Variants in PLXDC2 observed in about 807,000 individuals in gnomAD.
PLXDC2 encodes plexin domain-containing protein 2.
PLXDC2 carries 40 observed loss-of-function variants against 68.9 expected under a neutral mutation model. The ratio of observed to expected loss-of-function variants is 0.58; its 90% CI spans 0.45 to 0.76. The LOEUF is 0.76. Ranked by LOEUF, PLXDC2 falls within the 30% of genes least tolerant of loss-of-function variation. The pLI is 0.00. For missense variants in PLXDC2, 644 were observed against 661.9 expected (o/e 0.97, Z 0.30); for synonymous variants, 243 against 234.2 (o/e 1.04, Z -0.34).
At chr10:19,966,092 TA>T (rs1448953865) in intron 1 of PLXDC2, among the ~76,000 whole-genome samples, 4 of 151,344 alleles carry the variant, frequency 2.6e-5, no homozygotes, top group Middle Eastern at 3.2e-3. Context: ...CTGCAGGTAC[TA>T]AAAAACACAC....
At chr10:19,913,386 C>A (rs774117720) in intron 1 of PLXDC2, among the ~76,000 whole-genome samples, 1 of 152,104 alleles carries the variant, frequency 6.6e-6, no homozygotes, top group Non-Finnish European at 1.5e-5. Context: ...TCCTGTACAG[C>A]CTGTGGAACC....
intron 1 of PLXDC2, among the ~76,000 whole-genome samples, chr10:19,891,066 G>A (rs1837951050): frequency 6.6e-6 from 1 of 152,042 alleles, no homozygotes; most frequent in Admixed American, 6.5e-5. Context: ...TTCTTCCTAT[G>A]CAATGGCAAG....
intron 2 of PLXDC2, among the ~76,000 whole-genome samples, chr10:20,002,305 G>A (rs1406120471): frequency 5.3e-5 from 8 of 150,242 alleles, no homozygotes; most frequent in African/African-American, 2.0e-4. Flanking sequence ...TGTCACACAG[G>A]CTGGAGTGCA....
chr10:19,955,288 C>T (rs895976853), intron 1 of PLXDC2, among the ~76,000 whole-genome samples: 1 of 151,720 alleles, frequency 6.6e-6, no homozygotes, highest in East Asian at 1.9e-4. Context: ...CCTGCATAGC[C>T]TCCCAAACTG....
chr10:19,886,154 G>T lies in PLXDC2; in HGVS notation c.112+68963G>T, dbSNP rs569353051. On this transcript the variant is annotated intron_variant, in intron 1 of 13. Coordinates refer to ENST00000377252, the MANE Select transcript of PLXDC2 (RefSeq NM_032812.9). ...TTTCACTCATGATTTGGCTCTCTGT[G>T]TGTCTGTTATTGGTGTATAGGAATG... Among the ~76,000 whole-genome samples the T allele has an allele frequency of 4.5e-3, 691 of 152,138 alleles. 2 individuals are homozygous for T. Among genetic ancestry groups the T allele is most frequent in the African/African-American group, 0.015 (619 of 41,518 alleles).
At chr10:20,091,003 T>C (rs1335546324) in intron 4 of PLXDC2, among the ~76,000 whole-genome samples, 1 of 152,234 alleles carries the variant, frequency 6.6e-6, no homozygotes, top group Non-Finnish European at 1.5e-5. Context: ...ATCATTTTGC[T>C]ATCTATGTTG....
At chr10:20,183,462 A>G (rs187440814) in intron 9 of PLXDC2, among the ~76,000 whole-genome samples, 72 of 152,088 alleles carry the variant, frequency 4.7e-4, no homozygotes, top group African/African-American at 1.6e-3. Flanking sequence ...TGTGAGAAAC[A>G]ACAATATTTG....
intron 1 of PLXDC2, among the ~76,000 whole-genome samples, chr10:19,997,689 G>C (rs1230799164): frequency 6.6e-6 from 1 of 152,058 alleles, no homozygotes; most frequent in African/African-American, 2.4e-5. Context: ...TATTATATTA[G>C]AGTATGTGAT....
At chr10:20,222,021 A>T (rs1203481432) in intron 12 of PLXDC2, among the ~76,000 whole-genome samples, 1 of 152,190 alleles carries the variant, frequency 6.6e-6, no homozygotes, top group Non-Finnish European at 1.5e-5. Context: ...TACAGTAATA[A>T]AGCAGATTGA....
chr10:20,212,026 A>T (rs16920096), intron 10 of PLXDC2, among the ~76,000 whole-genome samples: 1 of 151,678 alleles, frequency 6.6e-6, no homozygotes, highest in African/African-American at 2.4e-5. Flanking sequence ...CATTCTATGA[A>T]GAACAGTGCC....
At chr10:20,078,481 A>G (rs926082465) in intron 4 of PLXDC2, among the ~76,000 whole-genome samples, 5 of 152,230 alleles carry the variant, frequency 3.3e-5, no homozygotes, top group Non-Finnish European at 7.3e-5. Context: ...GTCATGGAAC[A>G]TTAGGTATGT....
chr10:19,859,945 T>A (rs1837288357), intron 1 of PLXDC2, among the ~76,000 whole-genome samples: 1 of 152,170 alleles, frequency 6.6e-6, no homozygotes, highest in South Asian at 2.1e-4. Context: ...TTGTGCAGGC[T>A]GCTCAAACTC....
rs370115313 is a variant in PLXDC2 at position 20,186,387 on chromosome 10, A to G, written c.1061+8978A>G. Among the ~76,000 whole-genome samples the G allele has an allele frequency of 3.3e-5, 5 of 151,860 alleles. No individual in the cohort carries two copies. The East Asian group carries it at 9.7e-4, about 29-fold the overall frequency. ...CTAGCGTAGGTCTGAACTACATGAG[A>G]TTCTTTCTCTAGAGTGTATTCTTTT... On this transcript the variant is annotated intron_variant, in intron 9 of 13. Transcript: ENST00000377252.
intron 9 of PLXDC2, among the ~76,000 whole-genome samples, chr10:20,210,840 C>T (rs989936341): frequency 2.0e-5 from 3 of 152,134 alleles, no homozygotes; most frequent in African/African-American, 7.2e-5. Flanking sequence ...TAATACACAA[C>T]AAGTACTGCT....
chr10:20,162,909 C>CAAAAAAAAAAAAAAAAAA (rs71390763), intron 6 of PLXDC2, among the ~76,000 whole-genome samples: 3 of 98,058 alleles, frequency 3.1e-5, no homozygotes, highest in African/African-American at 4.1e-5. Context: ...ACTAAAAATA[C>CAAAAAAAAAAAAAAAAAA]AAAAAAAAAA....
intron 4 of PLXDC2, among the ~76,000 whole-genome samples, chr10:20,136,800 A>G (rs1284254161): frequency 3.3e-5 from 5 of 152,244 alleles, no homozygotes; most frequent in Non-Finnish European, 7.3e-5. Flanking sequence ...CCAAAATATT[A>G]ACTAAAAGAT....
chr10:19,945,314 T>G (rs931690683), intron 1 of PLXDC2, among the ~76,000 whole-genome samples: 1 of 152,228 alleles, frequency 6.6e-6, no homozygotes, highest in African/African-American at 2.4e-5. Flanking sequence ...TGTCAGTGTC[T>G]CAGGTGGTTT....
At chr10:19,981,585 T>G (rs1834550199) in intron 1 of PLXDC2, among the ~76,000 whole-genome samples, 1 of 152,098 alleles carries the variant, frequency 6.6e-6, no homozygotes. Context: ...GTAAGCTTAC[T>G]CAGAACATGG....
At chr10:19,990,115 A>G (rs1834723442) in intron 1 of PLXDC2, among the ~76,000 whole-genome samples, 1 of 152,046 alleles carries the variant, frequency 6.6e-6, no homozygotes, top group African/African-American at 2.4e-5. Context: ...TTATACAATG[A>G]AATTCATCAC....
Sources: allele counts gnomAD v4.1 joint callset (sites outside exome capture counted in the v4.1 genomes callset), GRCh38; gene constraint gnomAD v4.1.1; transcripts MANE v1.5; gene names NCBI Gene and HGNC (gene_info 2026-07-23, HGNC 2026-07-21).